Variants in MED27 observed in about 807,000 individuals in gnomAD.
MED27 encodes the protein mediator of RNA polymerase II transcription subunit 27.
A neutral mutation model predicts 38.2 loss-of-function variants in MED27; 30 were observed. That is an observed-to-expected ratio of 0.79 (90% CI 0.59 to 1.07). MED27 has a LOEUF of 1.07. MED27 is among the 50% of genes least tolerant of loss of function. MED27 has a pLI of 0.00. For synonymous variants in MED27, 122 were observed against 153.5 expected, an observed-to-expected ratio of 0.79 and a Z score of 1.52; for missense variants, 289 against 397.5, an observed-to-expected ratio of 0.73 and a Z score of 2.32.
chr9:131,891,218 C>T (rs1239803995), intron 5 of MED27, among the ~76,000 whole-genome samples: 1 of 151,950 alleles, frequency 6.6e-6, no homozygotes, highest in Non-Finnish European at 1.5e-5. Flanking sequence ...ACAAAACGTG[C>T]AAATACGTGA....
At chr9:131,914,754 C>T (rs1257866657) in intron 4 of MED27, among the ~76,000 whole-genome samples, 1 of 152,196 alleles carries the variant, frequency 6.6e-6, no homozygotes. Flanking sequence ...GTGCAGATTA[C>T]ATGGGTGCAA....
intron 4 of MED27, among the ~76,000 whole-genome samples, chr9:131,931,600 T>C (rs1052524004): frequency 1.3e-5 from 2 of 152,200 alleles, no homozygotes; most frequent in Non-Finnish European, 2.9e-5. Context: ...CCCATTGATC[T>C]GTTGCCTACA....
chr9:131,958,460 C>T (rs1831149887), intron 3 of MED27, among the ~76,000 whole-genome samples: 2 of 152,154 alleles, frequency 1.3e-5, no homozygotes, highest in South Asian at 2.1e-4. Context: ...GTTGGTCAGG[C>T]TGGTCTCGAA....
chr9:131,864,909 C>T (rs1838711331), intron 6 of MED27, among the ~76,000 whole-genome samples: 1 of 152,250 alleles, frequency 6.6e-6, no homozygotes, highest in South Asian at 2.1e-4. Flanking sequence ...TCTGGCAATG[C>T]CACCAGCCCC....
At chr9:132,021,798 T>C (rs1832722120) in intron 2 of MED27, among the ~76,000 whole-genome samples, 1 of 151,748 alleles carries the variant, frequency 6.6e-6, no homozygotes, top group Non-Finnish European at 1.5e-5. Context: ...ATGGGATTAA[T>C]GCCCTTATAG....
chr9:132,042,355 A>G (rs1468934375), intron 2 of MED27, among the ~76,000 whole-genome samples: 2 of 152,218 alleles, frequency 1.3e-5, no homozygotes, highest in East Asian at 3.8e-4. Context: ...GAAAGTGTGT[A>G]TACTGATGTT....
At chr9:131,937,821 G>A (rs1388959347) in intron 4 of MED27, among the ~76,000 whole-genome samples, 1 of 142,540 alleles carries the variant, frequency 7.0e-6, no homozygotes, top group African/African-American at 2.7e-5. Context: ...ACATTTAACT[G>A]AGGCAGACTT....
intron 2 of MED27, among the ~76,000 whole-genome samples, chr9:132,017,543 A>C (rs1832630810): frequency 6.6e-6 from 1 of 152,186 alleles, no homozygotes; most frequent in Non-Finnish European, 1.5e-5. Context: ...ATAAAAATGA[A>C]AGAAGGAGAG....
At chr9:131,955,593 G>A (rs970553430) in intron 3 of MED27, among the ~76,000 whole-genome samples, 3 of 152,156 alleles carry the variant, frequency 2.0e-5, no homozygotes, top group Non-Finnish European at 4.4e-5. Flanking sequence ...AGATTCTAGA[G>A]GCATTAGAAG....
intron 3 of MED27, among the ~76,000 whole-genome samples, chr9:131,994,682 T>C (rs1053752346): frequency 6.6e-6 from 1 of 152,182 alleles, no homozygotes; most frequent in African/African-American, 2.4e-5. Flanking sequence ...TTTTTTTCTA[T>C]CCCAGTCAAA....
intron 4 of MED27, among the ~76,000 whole-genome samples, chr9:131,908,850 G>A (rs1214118776): frequency 2.0e-5 from 3 of 147,342 alleles, no homozygotes; most frequent in Non-Finnish European, 3.0e-5. Context: ...CCCCCTCTGC[G>A]AGAAACACCC....
chr9:132,064,318 C>T (rs908535030), intron 2 of MED27, among the ~76,000 whole-genome samples: 3 of 152,112 alleles, frequency 2.0e-5, no homozygotes, highest in Admixed American at 6.5e-5. Flanking sequence ...CGGGCAAAAT[C>T]GGCCTTCGGG....
At chr9:132,075,538 C>T (rs1834027776) in intron 2 of MED27, among the ~76,000 whole-genome samples, 1 of 152,170 alleles carries the variant, frequency 6.6e-6, no homozygotes, top group African/African-American at 2.4e-5. Flanking sequence ...CTTAATACAA[C>T]CTATTTTCCA....
chr9:131,936,598 T>C lies in MED27; in HGVS notation c.573+2783A>G, dbSNP rs559475427. Among the ~76,000 whole-genome samples, 3 of 152,342 alleles carry C rather than the reference T, an allele frequency of 2.0e-5. No individual in the cohort carries two copies. The South Asian group carries it at 6.2e-4, about 32-fold the overall frequency. On this transcript the variant is annotated intron_variant, in intron 4 of 7. Transcript: ENST00000292035. ...TCTTCCCAGGTTGTATGCACAGGGA[T>C]GGAAGGCGGTTAATACGGAATCATT...
chr9:131,869,181 C>T (rs974712835), intron 6 of MED27: 6 of 985,306 alleles, frequency 6.1e-6, no homozygotes, highest in South Asian at 4.7e-5. Context: ...CTGATGAACT[C>T]GCCATGTTTT....
intron 3 of MED27, among the ~76,000 whole-genome samples, chr9:132,000,783 A>C (rs1589258610): frequency 1.3e-5 from 2 of 149,976 alleles, no homozygotes; most frequent in Non-Finnish European, 3.0e-5. Flanking sequence ...ATGGGGTCTC[A>C]CTATGTTGTC....
chr9:131,868,560 G>A (rs753496670), intron 6 of MED27: 278 of 983,410 alleles, frequency 2.8e-4, no homozygotes, highest in Non-Finnish European at 3.2e-4. Context: ...ACAGGCGTGC[G>A]CCACTGCGCC....
chr9:132,014,004 G>A (rs187708505), intron 3 of MED27, among the ~76,000 whole-genome samples: 4,823 of 152,018 alleles, frequency 0.032, 266 homozygotes, highest in African/African-American at 0.11. Flanking sequence ...TCAGGAGTTC[G>A]AAACCAGCCT....
intron 6 of MED27, among the ~76,000 whole-genome samples, chr9:131,875,901 G>A (rs1313509158): frequency 6.6e-6 from 1 of 152,152 alleles, no homozygotes; most frequent in African/African-American, 2.4e-5. Flanking sequence ...TGACCCACGC[G>A]CCCGGCTGCG....
Sources: allele counts gnomAD v4.1 joint callset (sites outside exome capture counted in the v4.1 genomes callset), GRCh38; gene constraint gnomAD v4.1.1; transcripts MANE v1.5; gene names NCBI Gene and HGNC (gene_info 2026-07-23, HGNC 2026-07-21).